AGBL4: variants seen among roughly 807,000 people sequenced by gnomAD.
The protein encoded by AGBL4 is AGBL carboxypeptidase 4, also known as cytosolic carboxypeptidase 6.
AGBL4 carries 58 observed loss-of-function variants against 66.4 expected under a neutral mutation model. The observed-to-expected ratio is 0.87, with a 90% CI of 0.71 to 1.09. The LOEUF is 1.09. Ranked by LOEUF, AGBL4 falls within the 50% of genes least tolerant of loss-of-function variation. The pLI is 0.00. For missense variants in AGBL4, 579 were observed against 631.0 expected (o/e 0.92, Z 0.88); for synonymous variants, 234 against 222.9 (o/e 1.05, Z -0.44).
chr1:49,415,693 G>T lies in AGBL4; in HGVS notation c.283-169829C>A, dbSNP rs1342831230. 2.0e-5 allele frequency among the ~76,000 whole-genome samples: 3 copies of T among 152,104 alleles called. No homozygotes were observed. In the East Asian group the frequency reaches 5.8e-4, roughly 29 times the overall value. ...TTAAGGAGGTTAATGACATGATCTGGATAGTATTTTAGAACTATCACTCTG... is the reference window on the plus strand; with the variant it reads ...TTAAGGAGGTTAATGACATGATCTGTATAGTATTTTAGAACTATCACTCTG... On this transcript the variant is annotated intron_variant, in intron 3 of 13. Coordinates refer to ENST00000371839, the MANE Select transcript of AGBL4 (RefSeq NM_032785.4).
intron 5 of AGBL4, among the ~76,000 whole-genome samples, chr1:48,905,715 C>T (rs1457456561): frequency 6.6e-6 from 1 of 152,186 alleles, no homozygotes; most frequent in Non-Finnish European, 1.5e-5. Flanking sequence ...TTCAGGCCCA[C>T]CTAGACTTGC....
chr1:48,524,369 C>A, the AGBL4 span, among the ~76,000 whole-genome samples: 1 of 152,056 alleles, frequency 6.6e-6, no homozygotes, highest in Admixed American at 6.5e-5. Context: ...GAAAAGACAC[C>A]TAAACACAAG....
chr1:49,771,856 T>G (rs550958453), intron 2 of AGBL4, among the ~76,000 whole-genome samples: 1 of 152,056 alleles, frequency 6.6e-6, no homozygotes, highest in Non-Finnish European at 1.5e-5. Context: ...TTTTCAGCCC[T>G]GTATTGTCTT....
chr1:49,592,627 T>C (rs918318710), intron 3 of AGBL4, among the ~76,000 whole-genome samples: 2 of 151,962 alleles, frequency 1.3e-5, no homozygotes, highest in African/African-American at 2.4e-5. Context: ...TGAACAAGCA[T>C]ATGGAAAAAA....
chr1:49,461,511 T>C (rs1363951279), intron 3 of AGBL4, among the ~76,000 whole-genome samples: 2 of 151,160 alleles, frequency 1.3e-5, no homozygotes, highest in Non-Finnish European at 3.0e-5. Flanking sequence ...TTTTTTATTA[T>C]ACTTTAAGTT....
intron 3 of AGBL4, among the ~76,000 whole-genome samples, chr1:49,364,548 G>C (rs1357593706): frequency 6.6e-6 from 1 of 151,650 alleles, no homozygotes; most frequent in Admixed American, 6.6e-5. Flanking sequence ...CAAGATCTCA[G>C]CTTGCTGCAA....
intron 5 of AGBL4, among the ~76,000 whole-genome samples, chr1:48,992,458 C>G (rs1336689053): frequency 1.3e-5 from 2 of 152,206 alleles, no homozygotes. Context: ...GCGTCTTGCC[C>G]AAGGTCCACT....
At chr1:49,611,020 G>C (rs1176326609) in intron 3 of AGBL4, among the ~76,000 whole-genome samples, 1 of 152,340 alleles carries the variant, frequency 6.6e-6, no homozygotes, top group East Asian at 1.9e-4. Flanking sequence ...ACAGATGAAA[G>C]CTGTTATCTT....
chr1:49,503,474 C>T lies in AGBL4; in HGVS notation c.282+193839G>A, dbSNP rs531123276. On this transcript the variant is annotated intron_variant, in intron 3 of 13. Coordinates refer to ENST00000371839, the MANE Select transcript of AGBL4 (RefSeq NM_032785.4). ...AGAAGGTGGCCACTGTCCTCTGGAC[C>T]CCACAATGGTAGATCCATTGACAGC... Among the ~76,000 whole-genome samples the T allele has an allele frequency of 1.2e-3, 176 of 152,144 alleles. 1 individual carries two copies. The highest frequency in any genetic ancestry group is 4.2e-3 in the African/African-American group (173 of 41,542).
intron 3 of AGBL4, among the ~76,000 whole-genome samples, chr1:49,479,484 G>A (rs1228514630): frequency 1.3e-5 from 2 of 151,722 alleles, no homozygotes; most frequent in South Asian, 4.2e-4. Context: ...AGGCCCCGGT[G>A]TGTATTGTTC....
intron 5 of AGBL4, among the ~76,000 whole-genome samples, chr1:48,905,689 G>GT (rs926713949): frequency 2.6e-5 from 4 of 152,164 alleles, no homozygotes; most frequent in Admixed American, 6.5e-5. Context: ...ACTGACTCTA[G>GT]TGACTGTGTG....
At chr1:49,023,739 T>C (rs1381247683) in intron 5 of AGBL4, among the ~76,000 whole-genome samples, 1 of 152,172 alleles carries the variant, frequency 6.6e-6, no homozygotes, top group Non-Finnish European at 1.5e-5. Context: ...TCACATATAA[T>C]TTATTCATAG....
At chr1:48,671,236 A>G (rs1280002210) in intron 6 of AGBL4, among the ~76,000 whole-genome samples, 1 of 152,244 alleles carries the variant, frequency 6.6e-6, no homozygotes, top group African/African-American at 2.4e-5. Context: ...CAGAGGCTCA[A>G]GATCTGAGGT....
chr1:49,291,182 T>C (rs188066255), intron 3 of AGBL4, among the ~76,000 whole-genome samples: 73 of 152,248 alleles, frequency 4.8e-4, no homozygotes, highest in African/African-American at 1.5e-3. Flanking sequence ...AAATAATAAA[T>C]TAATAATTTA....
At chr1:49,540,733 G>C (rs1318549010) in intron 3 of AGBL4, among the ~76,000 whole-genome samples, 2 of 152,002 alleles carry the variant, frequency 1.3e-5, no homozygotes, top group Non-Finnish European at 2.9e-5. Flanking sequence ...TGAATCACTT[G>C]AATCATAATG....
intron 3 of AGBL4, among the ~76,000 whole-genome samples, chr1:49,353,088 C>G (rs1449437667): frequency 3.9e-5 from 6 of 152,172 alleles, no homozygotes; most frequent in Non-Finnish European, 1.5e-5. Context: ...ATTTTCAAGA[C>G]ACAAAATAAT....
chr1:48,964,694 T>C (rs1658278258), intron 5 of AGBL4, among the ~76,000 whole-genome samples: 1 of 152,170 alleles, frequency 6.6e-6, no homozygotes, highest in African/African-American at 2.4e-5. Flanking sequence ...TATGTGTCTC[T>C]TTCCTCTATA....
At chr1:49,916,642 C>T (rs1473020850) in intron 1 of AGBL4, among the ~76,000 whole-genome samples, 2 of 152,180 alleles carry the variant, frequency 1.3e-5, no homozygotes, top group Non-Finnish European at 2.9e-5. Flanking sequence ...AGAATGGAAC[C>T]AAGTTGGAAA....
At chr1:49,618,062 T>G (rs972978925) in intron 3 of AGBL4, among the ~76,000 whole-genome samples, 3 of 152,158 alleles carry the variant, frequency 2.0e-5, no homozygotes, top group Non-Finnish European at 2.9e-5. Context: ...TGTCCATGTG[T>G]TCTCGTTGTT....
Sources: allele counts gnomAD v4.1 joint callset (sites outside exome capture counted in the v4.1 genomes callset), GRCh38; gene constraint gnomAD v4.1.1; transcripts MANE v1.5; gene names NCBI Gene and HGNC (gene_info 2026-07-23, HGNC 2026-07-21).